The following FRMD5 variants were observed in gnomAD, a reference collection of about 807,000 sequenced individuals.
FRMD5 encodes the protein FERM domain containing 5, also known as FERM domain-containing protein 5.
Under a neutral mutation model 69.0 loss-of-function variants are expected in FRMD5, and 20 were observed. That is an observed-to-expected ratio of 0.29 (90% confidence interval 0.20 to 0.42). The LOEUF (loss-of-function observed/expected upper bound fraction) is 0.42. Ranked by LOEUF, FRMD5 falls within the 10% of genes least tolerant of loss-of-function variation. FRMD5 has a pLI of 1.00. For synonymous variants in FRMD5, 271 were observed against 260.1 expected, an observed-to-expected ratio of 1.04 and a Z score of -0.40; for missense variants, 595 against 708.6, an observed-to-expected ratio of 0.84 and a Z score of 1.82.
chr15:43,988,401 G>A (rs1255474934), intron 1 of FRMD5, among the ~76,000 whole-genome samples: 2 of 149,870 alleles, frequency 1.3e-5, no homozygotes, highest in African/African-American at 4.9e-5. Flanking sequence ...AGGAAGGTAT[G>A]TGCATTGTTT....
chr15:43,961,798 A>C (rs1338162416), intron 1 of FRMD5, among the ~76,000 whole-genome samples: 1 of 152,236 alleles, frequency 6.6e-6, no homozygotes, highest in African/African-American at 2.4e-5. Flanking sequence ...AACCAAAGAC[A>C]AAAACCACAT....
intron 1 of FRMD5, among the ~76,000 whole-genome samples, chr15:44,114,907 C>T (rs554797870): frequency 6.6e-6 from 1 of 152,156 alleles, no homozygotes; most frequent in South Asian, 2.1e-4. Context: ...GCAGCCACTA[C>T]TCAGCACTGG....
At position 44,063,606 on chromosome 15, in the gene FRMD5, C is replaced by A. The variant is rs79465053; in HGVS notation, c.102+131347G>T. The stretch of plus-strand genomic sequence containing the variant: ...ACTCTGGCAAAGTGGATATTGTTGC[C>A]ATCAATGATCCCTTTGTTGACCTCA... On this transcript the variant is annotated intron_variant, in intron 1 of 13. Coordinates refer to ENST00000417257, the MANE Select transcript of FRMD5 (RefSeq NM_032892.5). 1,078 of 522,804 alleles carry A rather than the reference C, an allele frequency of 2.1e-3. 19 individuals carry two copies. The East Asian group carries it at 0.049, about 24-fold the overall frequency. The allele number at this position is 522,804 out of a possible 1,614,324, so 32.4% of individuals were successfully genotyped here. A position where few individuals can be genotyped will look rare whatever the true frequency, so the allele number is the denominator to read the frequency against.
intron 1 of FRMD5, among the ~76,000 whole-genome samples, chr15:43,938,062 T>C (rs2089792088): frequency 6.6e-6 from 1 of 151,802 alleles, no homozygotes; most frequent in South Asian, 2.1e-4. Flanking sequence ...AAACTCTGTC[T>C]CTACTAAAAA....
intron 1 of FRMD5, among the ~76,000 whole-genome samples, chr15:44,061,697 T>C (rs1893094372): frequency 6.6e-6 from 1 of 152,206 alleles, no homozygotes; most frequent in African/African-American, 2.4e-5. Flanking sequence ...CTCGTTGCAT[T>C]AAAATAAGCT....
intron 1 of FRMD5, among the ~76,000 whole-genome samples, chr15:43,956,999 A>T (rs2930523): frequency 0.1 from 15,856 of 152,230 alleles, 1,596 homozygotes; most frequent in African/African-American, 0.26. Context: ...CAGGTAGTTA[A>T]GTCAGCCTTT....
chr15:44,019,408 C>A (rs2140245865), intron 1 of FRMD5, among the ~76,000 whole-genome samples: 1 of 150,894 alleles, frequency 6.6e-6, no homozygotes, highest in African/African-American at 2.4e-5. Flanking sequence ...ATCAGAAAGG[C>A]TAGTCAAAAT....
chr15:43,894,746 G>C (rs2088874823), intron 7 of FRMD5, among the ~76,000 whole-genome samples: 1 of 152,126 alleles, frequency 6.6e-6, no homozygotes, highest in African/African-American at 2.4e-5. Context: ...GTGACAGGCA[G>C]AAGAGCACCC....
intron 1 of FRMD5, among the ~76,000 whole-genome samples, chr15:44,010,557 GT>G (rs1364226210): frequency 6.6e-6 from 1 of 151,926 alleles, no homozygotes; most frequent in Non-Finnish European, 1.5e-5. Flanking sequence ...GCTAATTTTT[GT>G]ATTTTTAGTA....
intron 10 of FRMD5, among the ~76,000 whole-genome samples, chr15:43,885,998 C>T (rs558757250): frequency 5.9e-5 from 9 of 152,302 alleles, no homozygotes; most frequent in African/African-American, 2.2e-4. Context: ...AGAGTGAAGG[C>T]TCCCCCAAAA....
At chr15:44,010,055 G>A (rs769496800) in intron 1 of FRMD5, among the ~76,000 whole-genome samples, 2 of 152,130 alleles carry the variant, frequency 1.3e-5, no homozygotes, top group South Asian at 2.1e-4. Context: ...TCCAATTTCT[G>A]CATTATGCTG....
At chr15:44,136,256 T>G (rs2077183765) in intron 1 of FRMD5, among the ~76,000 whole-genome samples, 1 of 151,958 alleles carries the variant, frequency 6.6e-6, no homozygotes, top group Admixed American at 6.6e-5. Flanking sequence ...ACTCCTGGGT[T>G]TAAGCAATCC....
chr15:44,087,900 T>A (rs1284936638), intron 1 of FRMD5, among the ~76,000 whole-genome samples: 1 of 152,140 alleles, frequency 6.6e-6, no homozygotes, highest in Admixed American at 6.5e-5. Flanking sequence ...GAAAGCCCAA[T>A]AGTTACACTG....
At chr15:43,923,921 G>A (rs1447835533) in intron 2 of FRMD5, among the ~76,000 whole-genome samples, 2 of 152,168 alleles carry the variant, frequency 1.3e-5, no homozygotes, top group African/African-American at 2.4e-5. Context: ...CTTGGGCTCC[G>A]AGACCACAAC....
chr15:44,130,447 A>G (rs1373478596), intron 1 of FRMD5, among the ~76,000 whole-genome samples: 3 of 152,178 alleles, frequency 2.0e-5, no homozygotes, highest in Non-Finnish European at 4.4e-5. Context: ...TCACTAGTAA[A>G]GCTTAGTTTT....
At chr15:43,907,150 C>A (rs1367657625) in intron 5 of FRMD5, among the ~76,000 whole-genome samples, 1 of 152,118 alleles carries the variant, frequency 6.6e-6, no homozygotes, top group Non-Finnish European at 1.5e-5. Flanking sequence ...TCTGTGGGTG[C>A]CCTTTTTCCT....
At chr15:44,057,630 C>G (rs1892925979) in intron 1 of FRMD5, among the ~76,000 whole-genome samples, 1 of 152,170 alleles carries the variant, frequency 6.6e-6, no homozygotes, top group Non-Finnish European at 1.5e-5. Flanking sequence ...AATTTCCAGT[C>G]AGGCTCTTGT....
intron 1 of FRMD5, among the ~76,000 whole-genome samples, chr15:44,089,378 G>A (rs1894339207): frequency 6.6e-6 from 1 of 152,098 alleles, no homozygotes; most frequent in South Asian, 2.1e-4. Context: ...GAGTTTCCAG[G>A]AGATAAACAG....
At chr15:43,967,725 AT>A (rs558472301) in intron 1 of FRMD5, among the ~76,000 whole-genome samples, 4 of 148,656 alleles carry the variant, frequency 2.7e-5, no homozygotes, top group Non-Finnish European at 3.0e-5. Flanking sequence ...TGCATTTCCT[AT>A]TTTTTTTTGG....
Sources: gnomAD v4.1 joint callset for allele counts (sites outside exome capture counted in the v4.1 genomes callset) on GRCh38, gnomAD v4.1.1 for gene constraint, MANE v1.5 for transcripts, NCBI Gene and HGNC (gene_info 2026-07-23, HGNC 2026-07-21) for gene names.